STEAP2: variants seen among roughly 807,000 people sequenced by gnomAD.
STEAP2 encodes STEAP2 metalloreductase.
Under a neutral mutation model 46.4 loss-of-function variants are expected in STEAP2, and 30 were observed. The observed-to-expected ratio is 0.65, with a 90% CI of 0.48 to 0.88. The LOEUF is 0.88. STEAP2 is among the 40% of genes least tolerant of loss of function. The pLI is 0.00. For synonymous variants in STEAP2, 180 were observed against 200.5 expected, an observed-to-expected ratio of 0.90 and a Z score of 0.86; for missense variants, 513 against 579.3, an observed-to-expected ratio of 0.89 and a Z score of 1.18.
chr7:90,222,515 C>G (rs1323964528), intron 2 of STEAP2, among the ~76,000 whole-genome samples: 1 of 152,150 alleles, frequency 6.6e-6, no homozygotes, highest in Non-Finnish European at 1.5e-5. Flanking sequence ...GGACAACTAC[C>G]TGGCTTCCCT....
In STEAP2 at chr7:90,234,191, T is replaced by C. The variant is rs1795872877; in HGVS notation, c.*1567T>C. The C allele has an allele frequency of 4.1e-6, 4 of 985,278 alleles. No individual in the cohort carries two copies. Among genetic ancestry groups the C allele is most frequent in the South Asian group, 4.7e-5 (1 of 21,288 alleles). The allele number at this position is 985,278 out of a possible 1,614,324, so 61.0% of individuals were successfully genotyped here. A position where few individuals can be genotyped will look rare whatever the true frequency, so the allele number is the denominator to read the frequency against. Reference sequence around the variant, plus strand: ...ATTATAAATCTACTCTAGAGACATATAATCATACAGATTATTCATAAAATT... The same window carrying C: ...ATTATAAATCTACTCTAGAGACATACAATCATACAGATTATTCATAAAATT... On this transcript the variant is annotated 3_prime_UTR_variant, in exon 6 of 6. Transcript: ENST00000394621.
chr7:90,215,457 C>T (rs1794976363), intron 1 of STEAP2: 1 of 152,220 alleles, frequency 6.6e-6, no homozygotes, highest in East Asian at 1.9e-4. Flanking sequence ...AATTCCCTAT[C>T]AAAATAATAC....
chr7:90,227,694 T>C (rs1795561479), intron 4 of STEAP2, among the ~76,000 whole-genome samples, 196 bp downstream of exon 4: 1 of 152,216 alleles, frequency 6.6e-6, no homozygotes, highest in South Asian at 2.1e-4. Flanking sequence ...AAGTAAAGGC[T>C]GCTACCATCC....
rs538260452 is a variant in STEAP2 at position 90,213,050 on chromosome 7, G to GCAAAA, written c.-147+1023_-147+1027dup. 2.3e-3 allele frequency among the ~76,000 whole-genome samples: 346 copies of GCAAAA among 152,084 alleles called. 3 individuals are homozygous for GCAAAA. The highest frequency in any genetic ancestry group is 7.5e-3 in the African/African-American group (310 of 41,454). On this transcript the variant is annotated intron_variant, in intron 1 of 5. Transcript: ENST00000394621. ...AGCTTAGAGGCTATTTAATGGAAAA[G>GCAAAA]CAAAACAAAACAAAACAAAACACCC... is the stretch of plus-strand genomic sequence containing the variant.
At position 90,232,943 on chromosome 7, in the gene STEAP2, T is replaced by A; in HGVS notation, c.*319T>A. On this transcript the variant is annotated 3_prime_UTR_variant, in exon 6 of 6. Coordinates refer to ENST00000394621, the MANE Select transcript of STEAP2 (RefSeq NM_001244944.2). ...ACAGTTAATAATATAGATATAATGT[T>A]AAAAACAATTTGCAAACCAGCAGAA... 1.0e-6 allele frequency: 1 copy of A among 983,808 alleles called. No homozygotes were observed. 60.9% of individuals were successfully genotyped at this position (983,808 alleles called of 1,614,324 possible).
At chr7:90,226,778 G>A (rs927769470) in intron 3 of STEAP2, among the ~76,000 whole-genome samples, 193 bp from the exon 4 acceptor site, 1 of 152,068 alleles carries the variant, frequency 6.6e-6, no homozygotes, top group Non-Finnish European at 1.5e-5. Flanking sequence ...AATGAACTTG[G>A]TGCTCAATAA....
intron 2 of STEAP2, among the ~76,000 whole-genome samples, chr7:90,221,464 C>T (rs558870483): frequency 6.6e-6 from 1 of 152,178 alleles, no homozygotes; most frequent in African/African-American, 2.4e-5. Context: ...TTTGCATGGA[C>T]TATCTTTCTC....
chr7:90,222,802 T>C (rs1473621567), intron 2 of STEAP2, among the ~76,000 whole-genome samples: 1 of 152,174 alleles, frequency 6.6e-6, no homozygotes, highest in Non-Finnish European at 1.5e-5. Context: ...AAAGTTGAAT[T>C]TTCCTGGCTG....
chr7:90,223,849 G>T (rs1795366823), intron 2 of STEAP2, among the ~76,000 whole-genome samples: 1 of 152,118 alleles, frequency 6.6e-6, no homozygotes, highest in East Asian at 1.9e-4. Context: ...TTATTTAAGT[G>T]CCAGGATTCA....
In STEAP2 at chr7:90,227,444, C is replaced by T. The variant is rs758217737; in HGVS notation, c.966C>T (p.Cys322=). ...FAMVHVAYSL[C]LPMRRSERYL... is the part of the protein sequence containing the mutation. ...TGGTCCATGTTGCCTACAGCCTCTG[C>T]TTACCGATGAGAAGGTCAGAGAGAT... The change falls in exon 4 of 6, where the codon TGC becomes TGT. Residue 322 remains cysteine (C), a synonymous_variant. Coordinates refer to ENST00000394621, the MANE Select transcript of STEAP2 (RefSeq NM_001244944.2). The T allele has an allele frequency of 3.7e-6, 6 of 1,604,120 alleles. No homozygotes were observed.
At chr7:90,217,534 A>G (rs1271812962) in intron 2 of STEAP2, among the ~76,000 whole-genome samples, 2 of 151,998 alleles carry the variant, frequency 1.3e-5, no homozygotes, top group East Asian at 3.9e-4. Context: ...TGCCTGGGTT[A>G]TTTCACTTAA....
Position 90,233,434 on chromosome 7 carries a change from A to T in STEAP2, c.*810A>T. The T allele has an allele frequency of 1.0e-6, 1 of 985,434 alleles. No individual in the cohort carries two copies. Among genetic ancestry groups the T allele is most frequent in the South Asian group, 4.7e-5 (1 of 21,290 alleles). The allele number at this position is 985,434 out of a possible 1,614,324, so 61.0% of individuals were successfully genotyped here. On this transcript the variant is annotated 3_prime_UTR_variant, in exon 6 of 6. Transcript: ENST00000394621. ...AACTGTATACTAGTTCCTACTTAGA[A>T]CAAAAGTATCAAGTTTGCACACAAG...
At position 90,235,959 on chromosome 7, in the gene STEAP2, C is replaced by G. The variant is rs1479588956; in HGVS notation, c.*3335C>G. The G allele has an allele frequency of 1.0e-6, 1 of 984,048 alleles. No homozygotes were observed. The highest frequency in any genetic ancestry group is 1.2e-6 in the Non-Finnish European group (1 of 828,856). The allele number at this position is 984,048 out of a possible 1,614,324, so 61.0% of individuals were successfully genotyped here. On this transcript the variant is annotated 3_prime_UTR_variant, in exon 6 of 6. Transcript: ENST00000394621. Reference sequence around the variant, plus strand: ...ACCTGATTAATTTCTTATAAAGCAGCATAACCTTGGCTTGATTAAGGAATT... The same window carrying G: ...ACCTGATTAATTTCTTATAAAGCAGGATAACCTTGGCTTGATTAAGGAATT...
intron 2 of STEAP2, among the ~76,000 whole-genome samples, chr7:90,219,581 TG>T (rs1348374904): frequency 5.9e-5 from 9 of 152,190 alleles, no homozygotes. Context: ...CTTCAGGTGA[TG>T]TATCACAGTT....
chr7:90,232,734 G>A lies in STEAP2; in HGVS notation c.*110G>A. ...GTCAAATTATCGTGGGTTGAAACTTGTTAAATGAGATTTCAACTGACTTAG... is the reference window on the plus strand; with the variant it reads ...GTCAAATTATCGTGGGTTGAAACTTATTAAATGAGATTTCAACTGACTTAG... On this transcript the variant is annotated 3_prime_UTR_variant, in exon 6 of 6. Coordinates refer to ENST00000394621, the MANE Select transcript of STEAP2 (RefSeq NM_001244944.2). 1 of 1,386,160 alleles carries A rather than the reference G, an allele frequency of 7.2e-7. No individual in the cohort carries two copies. The allele number at this position is 1,386,160 out of a possible 1,614,324, so 85.9% of individuals were successfully genotyped here. A position where few individuals can be genotyped will look rare whatever the true frequency, so the allele number is the denominator to read the frequency against.
intron 4 of STEAP2, among the ~76,000 whole-genome samples, chr7:90,228,574 C>T (rs1343604122): frequency 6.6e-6 from 1 of 152,128 alleles, no homozygotes; most frequent in African/African-American, 2.4e-5. Flanking sequence ...ATCCTTCTGA[C>T]TTACCCTGCT....
intron 2 of STEAP2, among the ~76,000 whole-genome samples, chr7:90,217,559 C>T (rs1004192133): frequency 1.2e-4 from 19 of 152,100 alleles, no homozygotes; most frequent in Admixed American, 2.0e-4. Flanking sequence ...ATGGCCTCCA[C>T]TCCTATCCAT....
intron 2 of STEAP2, among the ~76,000 whole-genome samples, chr7:90,219,990 G>C (rs1368151950): frequency 1.3e-5 from 2 of 152,188 alleles, no homozygotes; most frequent in Admixed American, 6.5e-5. Context: ...GCCTCCCAAA[G>C]TGCTGGGATT....
intron 2 of STEAP2, among the ~76,000 whole-genome samples, chr7:90,217,142 A>G (rs1004258639): frequency 2.0e-5 from 3 of 152,208 alleles, no homozygotes; most frequent in Non-Finnish European, 2.9e-5. Context: ...AAATTGATAC[A>G]TGTTACATAT....
Sources: gnomAD v4.1 joint callset for allele counts (sites outside exome capture counted in the v4.1 genomes callset) on GRCh38, gnomAD v4.1.1 for gene constraint, MANE v1.5 for transcripts, NCBI Gene and HGNC (gene_info 2026-07-23, HGNC 2026-07-21) for gene names.